RALYL: variants seen among roughly 807,000 people sequenced by gnomAD.
RALYL encodes the protein RNA-binding Raly-like protein.
A neutral mutation model predicts 35.1 loss-of-function variants in RALYL; 29 were observed. The observed-to-expected ratio is 0.83, with a 90% CI of 0.61 to 1.13. RALYL has a LOEUF of 1.13. RALYL is among the 50% of genes most tolerant of loss of function. The pLI, the probability that RALYL is intolerant of heterozygous loss-of-function variation, is 0.00. For missense variants in RALYL, 359 were observed against 360.4 expected (o/e 1.00, Z 0.03); for synonymous variants, 120 against 127.6 (o/e 0.94, Z 0.40).
intron 1 of RALYL, among the ~76,000 whole-genome samples, chr8:84,520,572 G>C (rs796841012): frequency 4.5e-4 from 68 of 152,162 alleles, no homozygotes; most frequent in African/African-American, 1.4e-3. Flanking sequence ...CTCCAGACAG[G>C]TATCGGTCTG....
chr8:84,380,965 A>T (rs2131599928), intron 1 of RALYL, among the ~76,000 whole-genome samples: 1 of 151,914 alleles, frequency 6.6e-6, no homozygotes, highest in Middle Eastern at 3.4e-3. Context: ...GGAGGGTGTG[A>T]TTGTGTTCAG....
intron 2 of RALYL, among the ~76,000 whole-genome samples, chr8:84,572,227 G>GT (rs35798308): frequency 0.21 from 31,551 of 151,272 alleles, 3,405 homozygotes; most frequent in Non-Finnish European, 0.23. Flanking sequence ...TTTGTTGTTT[G>GT]TTTTTTGTTT....
chr8:84,294,696 G>A (rs1205490778), intron 1 of RALYL, among the ~76,000 whole-genome samples: 2 of 151,988 alleles, frequency 1.3e-5, no homozygotes, highest in Non-Finnish European at 2.9e-5. Context: ...ACCTTCACTT[G>A]TGTGACTCAC....
intron 8 of RALYL, among the ~76,000 whole-genome samples, chr8:84,907,662 A>G (rs1846759500): frequency 6.6e-6 from 1 of 152,030 alleles, no homozygotes; most frequent in African/African-American, 2.4e-5. Flanking sequence ...ATTAATTTTG[A>G]TATGTATAGT....
intron 1 of RALYL, among the ~76,000 whole-genome samples, chr8:84,391,680 T>G (rs1010743832): frequency 1.3e-5 from 2 of 152,054 alleles, no homozygotes; most frequent in Non-Finnish European, 2.9e-5. Flanking sequence ...CTAGCCAGCT[T>G]AATTGGCTCC....
At chr8:84,673,604 T>G (rs1588920254) in intron 2 of RALYL, among the ~76,000 whole-genome samples, 1 of 152,184 alleles carries the variant, frequency 6.6e-6, no homozygotes, top group Non-Finnish European at 1.5e-5. Context: ...ATGGCTAGCC[T>G]GTTATCCCAG....
chr8:84,633,118 GTT>G (rs35418943), intron 2 of RALYL, among the ~76,000 whole-genome samples: 35 of 151,344 alleles, frequency 2.3e-4, no homozygotes, highest in East Asian at 5.9e-4. Context: ...TAGAATTGAG[GTT>G]TTTTTTTTAA....
chr8:84,217,804 T>C (rs575146211), intron 1 of RALYL, among the ~76,000 whole-genome samples: 81 of 152,208 alleles, frequency 5.3e-4, no homozygotes, highest in African/African-American at 1.8e-3. Context: ...AAAATGATGA[T>C]TGAAGATAAA....
At chr8:84,291,764 A>G (rs1485290263) in intron 1 of RALYL, among the ~76,000 whole-genome samples, 1 of 151,930 alleles carries the variant, frequency 6.6e-6, no homozygotes, top group Non-Finnish European at 1.5e-5. Flanking sequence ...ATTATAACCA[A>G]TAAAATGGCA....
intron 1 of RALYL, among the ~76,000 whole-genome samples, chr8:84,454,548 T>C (rs1032672841): frequency 6.6e-6 from 1 of 152,070 alleles, no homozygotes; most frequent in Non-Finnish European, 1.5e-5. Flanking sequence ...GGTGGGGTCC[T>C]TGTTCCAAAT....
At chr8:84,819,495 T>G (rs2134212418) in intron 4 of RALYL, among the ~76,000 whole-genome samples, 1 of 152,336 alleles carries the variant, frequency 6.6e-6, no homozygotes, top group Admixed American at 6.5e-5. Context: ...TGTATGTGCA[T>G]ATTTTGACAG....
intron 2 of RALYL, among the ~76,000 whole-genome samples, chr8:84,653,108 A>G (rs1349720416): frequency 6.6e-6 from 1 of 152,086 alleles, no homozygotes; most frequent in Non-Finnish European, 1.5e-5. Context: ...AGTGCGTACC[A>G]GAGTATAATA....
chr8:84,585,938 T>A (rs1811892906), intron 2 of RALYL, among the ~76,000 whole-genome samples: 1 of 152,104 alleles, frequency 6.6e-6, no homozygotes, highest in South Asian at 2.1e-4. Context: ...GGCTCATGCT[T>A]GTAATCCCAG....
intron 2 of RALYL, among the ~76,000 whole-genome samples, chr8:84,622,885 T>C (rs1434105555): frequency 6.6e-6 from 1 of 152,126 alleles, no homozygotes; most frequent in Non-Finnish European, 1.5e-5. Flanking sequence ...TGGAAAAAAA[T>C]AGTAAATGTA....
At chr8:84,630,926 G>A (rs1270698225) in intron 2 of RALYL, among the ~76,000 whole-genome samples, 1 of 152,010 alleles carries the variant, frequency 6.6e-6, no homozygotes, top group Non-Finnish European at 1.5e-5. Flanking sequence ...GAGATTTGGA[G>A]AGCATCAGAA....
intron 4 of RALYL, among the ~76,000 whole-genome samples, chr8:84,849,527 T>C (rs1835367053): frequency 6.6e-6 from 1 of 152,042 alleles, no homozygotes; most frequent in African/African-American, 2.4e-5. Context: ...AACTATGGTC[T>C]TCATTCATAC....
chr8:84,751,872 A>G (rs1228676582), intron 2 of RALYL, among the ~76,000 whole-genome samples: 1 of 152,118 alleles, frequency 6.6e-6, no homozygotes, highest in Admixed American at 6.5e-5. Flanking sequence ...TTCATAAATT[A>G]CCCAGTCTCA....
intron 3 of RALYL, among the ~76,000 whole-genome samples, chr8:84,796,034 G>A (rs1200179864): frequency 1.3e-5 from 2 of 152,242 alleles, no homozygotes; most frequent in South Asian, 2.1e-4. Flanking sequence ...GCTGGAGAAG[G>A]GATATGGCTG....
intron 1 of RALYL, among the ~76,000 whole-genome samples, chr8:84,426,440 G>GTGTGTGTT (rs955868813): frequency 1.5e-3 from 167 of 112,868 alleles, no homozygotes; most frequent in Non-Finnish European, 8.9e-4. Context: ...CTCTCTCTCT[G>GTGTGTGTT]TGTGTGTGTG....
Sources: gnomAD v4.1 joint callset for allele counts (sites outside exome capture counted in the v4.1 genomes callset) on GRCh38, gnomAD v4.1.1 for gene constraint, MANE v1.5 for transcripts, NCBI Gene and HGNC (gene_info 2026-07-23, HGNC 2026-07-21) for gene names.